NFIB: variants seen among roughly 807,000 people sequenced by gnomAD.
NFIB encodes the protein nuclear factor 1 B-type.
A neutral mutation model predicts 61.5 loss-of-function variants in NFIB; 11 were observed. The observed-to-expected ratio is 0.18, with a 90% CI of 0.11 to 0.30. NFIB has a LOEUF of 0.30. NFIB is among the 10% of genes least tolerant of loss of function. The probability of loss-of-function intolerance (pLI) is 1.00; values close to 1 mark genes in which losing one functional copy is unlikely to be tolerated. For synonymous variants in NFIB, 260 were observed against 216.5 expected (o/e 1.20, Z -1.76); for missense variants, 471 against 608.9 (o/e 0.77, Z 2.38).
At chr9:14,479,211 G>A in the NFIB span, among the ~76,000 whole-genome samples, 1 of 152,186 alleles carries the variant, frequency 6.6e-6, no homozygotes, top group Non-Finnish European at 1.5e-5. Flanking sequence ...CAATCACTGA[G>A]GAAAGGCACA....
chr9:14,378,790 T>A (rs2061450169), intron 1 of NFIB, among the ~76,000 whole-genome samples: 1 of 152,208 alleles, frequency 6.6e-6, no homozygotes, highest in South Asian at 2.1e-4. Flanking sequence ...GGACCGTGAT[T>A]GTTACCTGGA....
At chr9:14,101,305 GTC>G (rs1413620311) in intron 10 of NFIB, among the ~76,000 whole-genome samples, 2 of 152,168 alleles carry the variant, frequency 1.3e-5, no homozygotes, top group Non-Finnish European at 2.9e-5. Flanking sequence ...AAGAAGAAAA[GTC>G]ACATGGTAGT....
upstream of NFIB, among the ~76,000 whole-genome samples, chr9:14,400,095 T>A (rs924501255): frequency 6.6e-6 from 1 of 152,068 alleles, no homozygotes; most frequent in African/African-American, 2.4e-5. Context: ...TTTTAAAGCA[T>A]GTCTTCATAA....
At chr9:14,344,108 AAGAGAG>A (rs149708104) in intron 1 of NFIB, among the ~76,000 whole-genome samples, 13,291 of 141,498 alleles carry the variant, frequency 0.094, 692 homozygotes, top group East Asian at 0.15. Context: ...GAGAGAGAGA[AAGAGAG>A]AGAGAGAGAG....
the NFIB span, among the ~76,000 whole-genome samples, chr9:14,450,819 C>T: frequency 6.6e-6 from 1 of 152,314 alleles, no homozygotes; most frequent in South Asian, 2.1e-4. Context: ...TTCAGAGATT[C>T]TCATATATTT....
intron 3 of NFIB, among the ~76,000 whole-genome samples, chr9:14,172,733 C>T (rs1323506794): frequency 2.0e-5 from 3 of 152,068 alleles, no homozygotes; most frequent in African/African-American, 4.8e-5. Flanking sequence ...TTCGGTATGT[C>T]ATCTTAAGCC....
In NFIB at chr9:14,165,704, C is replaced by G. The variant is rs527963061; in HGVS notation, c.617-9811G>C. Reference sequence around the variant, plus strand: ...TTCCTATTTTCCCAACCTCCCCAGCCTCCTCCTCTTTGCAGCCCTTAAAAA... The same window carrying G: ...TTCCTATTTTCCCAACCTCCCCAGCGTCCTCCTCTTTGCAGCCCTTAAAAA... On this transcript the variant is annotated intron_variant, in intron 3 of 10. Coordinates refer to ENST00000380953, the MANE Select transcript of NFIB (RefSeq NM_001190737.2). 1.2e-3 allele frequency among the ~76,000 whole-genome samples: 184 copies of G among 152,294 alleles called. 1 individual carries two copies. Among genetic ancestry groups the G allele is most frequent in the Non-Finnish European group, 2.3e-3 (154 of 68,014 alleles).
the NFIB span, among the ~76,000 whole-genome samples, chr9:14,428,683 G>A: frequency 6.6e-6 from 1 of 152,180 alleles, no homozygotes; most frequent in South Asian, 2.1e-4. Flanking sequence ...CTGCCTCAAA[G>A]CCTTTGAACG....
At chr9:14,456,327 A>G in the NFIB span, among the ~76,000 whole-genome samples, 2 of 152,106 alleles carry the variant, frequency 1.3e-5, no homozygotes, top group Non-Finnish European at 2.9e-5. Context: ...CTATAGCATA[A>G]AAGATGGTTA....
chr9:14,433,927 CCTT>C, the NFIB span, among the ~76,000 whole-genome samples: 2 of 152,188 alleles, frequency 1.3e-5, no homozygotes, highest in African/African-American at 4.8e-5. Context: ...CTTCCAAAAA[CCTT>C]CTCCCCTCCT....
intron 2 of NFIB, among the ~76,000 whole-genome samples, chr9:14,276,036 T>C (rs1250922727): frequency 3.3e-5 from 5 of 152,096 alleles, no homozygotes; most frequent in Admixed American, 2.0e-4. Flanking sequence ...TACTGAAATA[T>C]GAGAAGATGT....
intron 2 of NFIB, among the ~76,000 whole-genome samples, chr9:14,303,034 C>A (rs1312558029): frequency 6.6e-6 from 1 of 152,154 alleles, no homozygotes; most frequent in Non-Finnish European, 1.5e-5. Context: ...TCGAGAAATT[C>A]CAGAATGACT....
At chr9:14,129,168 T>G (rs1169042215) in intron 6 of NFIB, among the ~76,000 whole-genome samples, 1 of 152,116 alleles carries the variant, frequency 6.6e-6, no homozygotes, top group East Asian at 1.9e-4. Context: ...AAGTAACTTA[T>G]AATAGTAAAC....
intron 10 of NFIB, chr9:14,094,122 T>C (rs771197370): frequency 6.6e-6 from 1 of 152,088 alleles, no homozygotes; most frequent in Non-Finnish European, 1.5e-5. Flanking sequence ...GAAGGCAGGA[T>C]TTGAATTCGA....
At chr9:14,389,973 A>G (rs1564052870) in intron 1 of NFIB, among the ~76,000 whole-genome samples, 1 of 152,204 alleles carries the variant, frequency 6.6e-6, no homozygotes, top group Non-Finnish European at 1.5e-5. Context: ...TCGCTTTCAG[A>G]CCTTAGCACT....
At chr9:14,516,722 A>T in the NFIB span, among the ~76,000 whole-genome samples, 2 of 152,248 alleles carry the variant, frequency 1.3e-5, no homozygotes, top group African/African-American at 4.8e-5. Context: ...AGTCGTATCA[A>T]GCCAAACAGG....
At chr9:14,178,441 C>T (rs1370694199) in intron 3 of NFIB, among the ~76,000 whole-genome samples, 1 of 151,900 alleles carries the variant, frequency 6.6e-6, no homozygotes, top group African/African-American at 2.4e-5. Context: ...TAATGTTTTG[C>T]TCTCAATGTA....
At chr9:14,453,655 A>C in the NFIB span, among the ~76,000 whole-genome samples, 1 of 152,350 alleles carries the variant, frequency 6.6e-6, no homozygotes, top group African/African-American at 2.4e-5. Flanking sequence ...TTGTCTTATG[A>C]AAGTAGAAAT....
intron 4 of NFIB, among the ~76,000 whole-genome samples, chr9:14,153,529 T>C (rs1436210055): frequency 6.6e-6 from 1 of 152,108 alleles, no homozygotes; most frequent in Non-Finnish European, 1.5e-5. Flanking sequence ...TTCTAAGGGT[T>C]AGAGGCCAAC....
Sources: gnomAD v4.1 joint callset for allele counts (sites outside exome capture counted in the v4.1 genomes callset) on GRCh38, gnomAD v4.1.1 for gene constraint, MANE v1.5 for transcripts, NCBI Gene and HGNC (gene_info 2026-07-23, HGNC 2026-07-21) for gene names.